The following CFAP43 variants were observed in gnomAD, a reference collection of about 807,000 sequenced individuals.
CFAP43 encodes the protein cilia- and flagella-associated protein 43.
A neutral mutation model predicts 218.9 loss-of-function variants in CFAP43; 155 were observed. The observed-to-expected ratio is 0.71, with a 90% CI of 0.62 to 0.81. The LOEUF (loss-of-function observed/expected upper bound fraction) is 0.81, where lower values mean the gene tolerates loss of function less well. CFAP43 is among the 30% of genes least tolerant of loss of function. CFAP43 has a pLI of 0.00. For synonymous variants in CFAP43, 645 were observed against 681.3 expected (o/e 0.95, Z 0.83); for missense variants, 1,778 against 1,954.3 (o/e 0.91, Z 1.70).
chr10:104,168,985 C>A (rs1238530278), intron 20 of CFAP43, 137 bp from the exon 21 acceptor site: 4 of 658,678 alleles, frequency 6.1e-6, no homozygotes, highest in Non-Finnish European at 1.0e-5. Flanking sequence ...ACACTTTGAG[C>A]CACCTTGCAC....
intron 3 of CFAP43, among the ~76,000 whole-genome samples, chr10:104,224,754 CAAAAAAAAA>C (rs66877503): frequency 1.4e-5 from 1 of 70,178 alleles, no homozygotes; most frequent in Non-Finnish European, 2.8e-5. Flanking sequence ...GACTCCATCT[CAAAAAAAAA>C]AAAAAAAAAA....
At chr10:104,179,804 G>A (rs761387913) in intron 18 of CFAP43, 36 bp downstream of exon 18, 3 of 1,472,196 alleles carry the variant, frequency 2.0e-6, no homozygotes, top group African/African-American at 1.4e-5. Context: ...CATCTACAGA[G>A]CACTATTTCA....
chr10:104,207,588 G>A, intron 6 of CFAP43, 77 bp downstream of exon 6: 1 of 1,414,936 alleles, frequency 7.1e-7, no homozygotes, highest in East Asian at 2.3e-5. Flanking sequence ...ATGTCTCCAA[G>A]AAAGAGAAAA....
chr10:104,146,065 A>G (rs2087950961), intron 30 of CFAP43, among the ~76,000 whole-genome samples, 198 bp downstream of exon 30: 1 of 152,264 alleles, frequency 6.6e-6, no homozygotes, highest in South Asian at 2.1e-4. Flanking sequence ...AGCTTAAACC[A>G]GAGAAGCTTA....
intron 23 of CFAP43, 126 bp from the exon 24 acceptor site, chr10:104,164,426 C>G (rs1426113817): frequency 2.3e-5 from 16 of 707,252 alleles, no homozygotes; most frequent in Non-Finnish European, 3.4e-5. Context: ...GAGATGCAGT[C>G]TCGCTTTGTT....
chr10:104,142,467 T>C, intron 32 of CFAP43, 74 bp from the exon 33 acceptor site: 2 of 1,130,094 alleles, frequency 1.8e-6, no homozygotes, highest in Non-Finnish European at 2.5e-6. Context: ...CTTTTAACTT[T>C]TTAAATTTAA....
chr10:104,222,886 G>A (rs1482935808), intron 3 of CFAP43, among the ~76,000 whole-genome samples: 4 of 152,196 alleles, frequency 2.6e-5, no homozygotes, highest in Non-Finnish European at 5.9e-5. Context: ...GGAAGTTAAT[G>A]TAAATGAATG....
intron 11 of CFAP43, 165 bp downstream of exon 11, chr10:104,193,701 C>G (rs2090298006): frequency 1.1e-6 from 1 of 941,938 alleles, no homozygotes; most frequent in South Asian, 1.9e-5. Flanking sequence ...GGGTACTTTA[C>G]TACACAGCCC....
chr10:104,227,995 C>T (rs1239614761), intron 2 of CFAP43, among the ~76,000 whole-genome samples: 2 of 151,848 alleles, frequency 1.3e-5, no homozygotes. Context: ...AGGCATGCGC[C>T]ACCATGCCCA....
Position 104,130,213 on chromosome 10 carries a change from C to T in CFAP43, c.4924G>A (p.Glu1642Lys), listed in dbSNP as rs2087113803. Residue 1642 changes from glutamate to lysine, a missense_variant, in exon 38 of 38, where the codon GAA (glutamate) becomes AAA (lysine). Physicochemically the swap from Glu to Lys is moderately conservative, Grantham distance 56. Around this residue, in one of 3 missense-constraint regions of CFAP43, gnomAD observed 211 missense variants for 230.6 expected, o/e 0.91. Transcript: ENST00000357060. ...KLTNISKQQA[E>K]QISILQTEVE... ...TCAGTCTGTAGTATTGAAATCTGTTCAGCTTGTTGTTTTGAAATATTTGTT... is the reference window on the plus strand; with the variant it reads ...TCAGTCTGTAGTATTGAAATCTGTTTAGCTTGTTGTTTTGAAATATTTGTT... 10 of 1,612,832 alleles carry T rather than the reference C, an allele frequency of 6.2e-6. No individual in the cohort carries two copies. Among genetic ancestry groups the T allele is most frequent in the Non-Finnish European group, 8.5e-6 (10 of 1,179,728 alleles).
Position 104,162,284 on chromosome 10 carries a change from G to A in CFAP43, c.3333+33C>T, listed in dbSNP as rs200133033. 23 of 1,568,806 alleles carry A rather than the reference G, an allele frequency of 1.5e-5. 1 individual carries two copies. The African/African-American group carries it at 1.6e-4, about 11-fold the overall frequency. The stretch of plus-strand genomic sequence containing the variant: ...AAGCAGTATCCCTAAAGCAAAGAGG[G>A]TCTTAGGACCTGTGTTAAGCAAAGC... On this transcript the variant is annotated intron_variant, in intron 25 of 37. Transcript: ENST00000357060.
intron 27 of CFAP43, among the ~76,000 whole-genome samples, chr10:104,155,034 G>A (rs2088466613): frequency 6.6e-6 from 1 of 152,184 alleles, no homozygotes; most frequent in Non-Finnish European, 1.5e-5. Flanking sequence ...CAGGAGCTGA[G>A]CAATGAAGCC....
rs771263035 is a variant in CFAP43, at chr10:104,143,599, C to A, written c.3985G>T (p.Val1329Phe). 6.8e-6 allele frequency: 11 copies of A among 1,614,052 alleles called. 1 individual carries two copies. In the South Asian group the frequency reaches 9.9e-5, roughly 14 times the overall value. Reference protein sequence around the residue: ...QKTHSETTSVVPFGELPGSGK... With the variant: ...QKTHSETTSVFPFGELPGSGK... ...GATCCTGGTAGTTCTCCGAAAGGGA[C>A]AACGCTGGTTGTTTCTGAGTGCGTT... The change falls in exon 32 of 38, where the codon GTC (valine) becomes TTC (phenylalanine). Residue 1329 changes from valine (V) to phenylalanine (F), a missense_variant. Val to Phe is a conservative substitution (Grantham distance 50). Coordinates refer to ENST00000357060, the MANE Select transcript of CFAP43 (RefSeq NM_025145.7).
intron 35 of CFAP43, chr10:104,132,930 T>A: frequency 2.7e-6 from 1 of 368,232 alleles, no homozygotes; most frequent in Non-Finnish European, 3.8e-6. Flanking sequence ...AGTGTCATGC[T>A]AATTCAAAGG....
At chr10:104,147,631 A>C (rs111855332) in intron 29 of CFAP43, among the ~76,000 whole-genome samples, 112 of 152,290 alleles carry the variant, frequency 7.4e-4, no homozygotes, top group African/African-American at 2.5e-3. Context: ...TCATTTTATA[A>C]ACCATGTCAT....
At chr10:104,225,360 T>C (rs2091281679) in intron 3 of CFAP43, 101 bp downstream of exon 3, 1 of 950,056 alleles carries the variant, frequency 1.1e-6, no homozygotes, top group African/African-American at 1.7e-5. Context: ...CTATATTTCC[T>C]TGTTTCAGAT....
intron 3 of CFAP43, chr10:104,218,988 G>T: frequency 7.7e-6 from 3 of 389,094 alleles, no homozygotes; most frequent in South Asian, 5.6e-5. Context: ...ACATGTTGGT[G>T]ATTTGGGTTT....
chr10:104,215,500 G>A lies in CFAP43; in HGVS notation c.417-1074C>T, dbSNP rs577674198. Among the ~76,000 whole-genome samples the A allele has an allele frequency of 8.5e-5, 13 of 152,206 alleles. No individual in the cohort carries two copies. The East Asian group carries it at 2.5e-3, about 29-fold the overall frequency. On this transcript the variant is annotated intron_variant, in intron 3 of 37. Transcript: ENST00000357060. ...CTTTGACTTTTTGCATCAGGTACCT[G>A]GCAAAGACCGTCATCCCTGGATGGA...
intron 27 of CFAP43, among the ~76,000 whole-genome samples, chr10:104,153,972 G>A (rs1334841785): frequency 6.6e-6 from 1 of 152,088 alleles, no homozygotes; most frequent in African/African-American, 2.4e-5. Flanking sequence ...TTTTTAGCAG[G>A]AACACTATGT....
Sources: gnomAD v4.1 joint callset for allele counts (sites outside exome capture counted in the v4.1 genomes callset) on GRCh38, gnomAD v4.1.1 for gene constraint, gnomAD v4.1.1 regional missense constraint, MANE v1.5 for transcripts, NCBI Gene and HGNC (gene_info 2026-07-23, HGNC 2026-07-21) for gene names.